Variants in PDCD6IP observed in about 807,000 individuals in gnomAD.
The protein encoded by PDCD6IP is programmed cell death 6 interacting protein.
A neutral mutation model predicts 103.7 loss-of-function variants in PDCD6IP; 43 were observed. The observed-to-expected ratio is 0.41, with a 90% CI of 0.32 to 0.53. The LOEUF (loss-of-function observed/expected upper bound fraction) is 0.53. PDCD6IP is among the 20% of genes least tolerant of loss of function. The pLI is 0.16. For missense variants in PDCD6IP, 871 were observed against 1,036.7 expected, an observed-to-expected ratio of 0.84 and a Z score of 2.20; for synonymous variants, 354 against 378.7, an observed-to-expected ratio of 0.93 and a Z score of 0.76.
intron 7 of PDCD6IP, among the ~76,000 whole-genome samples, chr3:33,834,470 C>T (rs1326429784): frequency 6.6e-6 from 1 of 152,120 alleles, no homozygotes; most frequent in Non-Finnish European, 1.5e-5. Context: ...TGTGCAATTT[C>T]CCGTTTCCTA....
Position 33,838,250 on chromosome 3 carries a change from T to A in PDCD6IP, c.1104T>A (p.Ala368=), listed in dbSNP as rs770971566. The change falls in exon 9 of 18, where the codon GCT becomes GCA. Residue 368 remains alanine, a synonymous_variant. Transcript: ENST00000307296. The part of the protein sequence containing the change: ...MVPVSVQQSL[A]AYNQRKADLV... ...CCGTGTCAGTACAGCAGTCTTTGGC[T>A]GCCTATAATCAGAGGAAAGCCGATT... 6.2e-7 allele frequency: 1 copy of A among 1,613,710 alleles called. No individual in the cohort carries two copies. Among genetic ancestry groups the A allele is most frequent in the Non-Finnish European group, 8.5e-7 (1 of 1,179,580 alleles).
chr3:33,830,088 A>G (rs1697214135), intron 7 of PDCD6IP, among the ~76,000 whole-genome samples: 1 of 152,194 alleles, frequency 6.6e-6, no homozygotes, highest in Non-Finnish European at 1.5e-5. Context: ...GGGATTGGGA[A>G]CACATGAACT....
At chr3:33,855,969 G>A (rs1697818930) in intron 15 of PDCD6IP, among the ~76,000 whole-genome samples, 1 of 152,210 alleles carries the variant, frequency 6.6e-6, no homozygotes, top group African/African-American at 2.4e-5. Context: ...GGGCTGCACA[G>A]TAGGAGGTGG....
chr3:33,851,129 G>A (rs1400183447), intron 12 of PDCD6IP, among the ~76,000 whole-genome samples: 9 of 152,088 alleles, frequency 5.9e-5, no homozygotes, highest in Non-Finnish European at 1.3e-4. Context: ...AGTAGAATAG[G>A]AATTTTTAGA....
intron 12 of PDCD6IP, among the ~76,000 whole-genome samples, chr3:33,847,656 G>A (rs1559792537): frequency 6.6e-6 from 1 of 152,176 alleles, no homozygotes; most frequent in East Asian, 1.9e-4. Flanking sequence ...TTATTGTGAA[G>A]AAGCCTACTG....
chr3:33,846,705 A>G (rs1170066241), intron 12 of PDCD6IP, among the ~76,000 whole-genome samples: 1 of 152,224 alleles, frequency 6.6e-6, no homozygotes, highest in Non-Finnish European at 1.5e-5. Context: ...TCCGAGGTAC[A>G]GAGGATCTGC....
At position 33,845,570 on chromosome 3, in the gene PDCD6IP, G is replaced by A; in HGVS notation, c.1623G>A (p.Lys541=). 1 of 1,610,652 alleles carries A rather than the reference G, an allele frequency of 6.2e-7. No homozygotes were observed. The highest frequency in any genetic ancestry group is 1.3e-5 in the African/African-American group (1 of 74,946). Residue 541 remains lysine (K), a synonymous_variant, in exon 12 of 18, where the codon AAG becomes AAA. Transcript: ENST00000307296. ...CCATCCCTTCTGCTAATCCAGCAAA[G>A]ACCATGCAGGGCAGTGAGGTAAGAA... ...NAAIPSANPA[K]TMQGSEVVNV...
intron 12 of PDCD6IP, among the ~76,000 whole-genome samples, chr3:33,849,763 C>G (rs955700838): frequency 6.6e-6 from 1 of 152,206 alleles, no homozygotes; most frequent in Non-Finnish European, 1.5e-5. Flanking sequence ...TCATTTTCTA[C>G]TTCATTTACT....
chr3:33,838,534 G>T (rs1697401769), intron 9 of PDCD6IP, among the ~76,000 whole-genome samples: 1 of 151,820 alleles, frequency 6.6e-6, no homozygotes, highest in Admixed American at 6.6e-5. Flanking sequence ...ACAAGGTGAG[G>T]ATATGAGGAC....
chr3:33,848,942 A>C (rs1697656721), intron 12 of PDCD6IP, among the ~76,000 whole-genome samples: 1 of 152,232 alleles, frequency 6.6e-6, no homozygotes. Flanking sequence ...ATATGTGGGC[A>C]TTATATAAAA....
intron 15 of PDCD6IP, among the ~76,000 whole-genome samples, chr3:33,856,309 G>A (rs1697827822): frequency 1.3e-5 from 2 of 152,202 alleles, no homozygotes; most frequent in South Asian, 4.1e-4. Flanking sequence ...AAGAAAACAG[G>A]AAGTGATAAG....
rs112754416 is a variant in PDCD6IP, at chr3:33,845,516, G to A, written c.1569G>A (p.Leu523=). ...YQSHRDTIVL[L]CKPEPELNAA... is the part of the protein sequence containing the mutation. ...CTCATCGTGACACCATCGTGCTTTT[G>A]TGTAAGCCAGAGCCTGAGCTGAATG... The change falls in exon 12 of 18, where the codon TTG becomes TTA. Residue 523 remains leucine (L), a synonymous_variant. Coordinates refer to ENST00000307296, the MANE Select transcript of PDCD6IP (RefSeq NM_013374.6). The A allele has an allele frequency of 0.051, 82,406 of 1,613,544 alleles. 2,466 individuals carry two copies. Among genetic ancestry groups the A allele is most frequent in the South Asian group, 0.072 (6,515 of 90,998 alleles).
At position 33,865,333 on chromosome 3, in the gene PDCD6IP, G is replaced by C; in HGVS notation, c.2335G>C (p.Ala779Pro). Residue 779 changes from alanine (A) to proline (P), a missense_variant, in exon 17 of 18, where the codon GCT becomes CCT. Physicochemically the swap from Ala to Pro is conservative, Grantham distance 27 (BLOSUM62 -1). Around this residue, in one of 5 missense-constraint regions of PDCD6IP, gnomAD observed 202 missense variants for 205.2 expected, o/e 0.98. Coordinates refer to ENST00000307296, the MANE Select transcript of PDCD6IP (RefSeq NM_013374.6). ...PSATAPSPVGAGTAAPAPSQT... is the reference protein window; with the variant it reads ...PSATAPSPVGPGTAAPAPSQT... ...TGCTACTGCTCCATCTCCAGTGGGG[G>C]CTGGGACTGCTGCGCCAGCTCCATC... The C allele has an allele frequency of 3.8e-6, 6 of 1,597,924 alleles. No homozygotes were observed. The highest frequency in any genetic ancestry group is 5.1e-6 in the Non-Finnish European group (6 of 1,172,922).
In PDCD6IP at chr3:33,847,023, G is replaced by A. The variant is rs539161808; in HGVS notation, c.1641+1435G>A. ...AACAAGGAATGTGAGTTATTGTTTTGAGGACATAGGGGAGAAAAGGAGGTG... is the reference window on the plus strand; with the variant it reads ...AACAAGGAATGTGAGTTATTGTTTTAAGGACATAGGGGAGAAAAGGAGGTG... On this transcript the variant is annotated intron_variant, in intron 12 of 17. Coordinates refer to ENST00000307296, the MANE Select transcript of PDCD6IP (RefSeq NM_013374.6). 5.1e-4 allele frequency among the ~76,000 whole-genome samples: 77 copies of A among 152,344 alleles called. No individual in the cohort carries two copies. In the Middle Eastern group the frequency reaches 0.02, roughly 40 times the overall value.
intron 12 of PDCD6IP, among the ~76,000 whole-genome samples, chr3:33,848,743 T>A (rs963615171): frequency 6.6e-6 from 1 of 152,208 alleles, no homozygotes; most frequent in Admixed American, 6.5e-5. Flanking sequence ...CTTGGTGCTG[T>A]TAAATGCCAC....
rs1698142624 is a variant in PDCD6IP at position 33,869,578 on chromosome 3, G to A, written c.*3053G>A. The A allele has an allele frequency of 1.3e-5, 2 of 152,044 alleles. No homozygotes were observed. The highest frequency in any genetic ancestry group is 4.1e-4 in the South Asian group (2 of 4,822). 9.4% of individuals were successfully genotyped at this position (152,044 alleles called of 1,614,324 possible). A position where few individuals can be genotyped will look rare whatever the true frequency, so the allele number is the denominator to read the frequency against. ...CACCAGAGATTTTAGATTCTTTTCTGGTTAGAAACATTGCTGGTAGTTGGA... is the reference window on the plus strand; with the variant it reads ...CACCAGAGATTTTAGATTCTTTTCTAGTTAGAAACATTGCTGGTAGTTGGA... On this transcript the variant is annotated 3_prime_UTR_variant, in exon 18 of 18. Transcript: ENST00000307296.
intron 1 of PDCD6IP, among the ~76,000 whole-genome samples, chr3:33,802,008 T>C (rs1696485832): frequency 6.6e-6 from 1 of 152,214 alleles, no homozygotes; most frequent in Non-Finnish European, 1.5e-5. Context: ...CATTTCTGTG[T>C]GGTAGATCCC....
At position 33,869,649 on chromosome 3, in the gene PDCD6IP, GAAAC is replaced by G. The variant is rs1281656127; in HGVS notation, c.*3128_*3131del. Reference sequence around the variant, plus strand: ...TTTATCTTAGGGGGAACATTGTAAAGAAACAAAAAGGTCCAGATGAATGTATGCT... The same window carrying G: ...TTTATCTTAGGGGGAACATTGTAAAGAAAAAGGTCCAGATGAATGTATGCT... On this transcript the variant is annotated 3_prime_UTR_variant, in exon 18 of 18. Coordinates refer to ENST00000307296, the MANE Select transcript of PDCD6IP (RefSeq NM_013374.6). The G allele has an allele frequency of 1.3e-5, 2 of 152,040 alleles. No individual in the cohort carries two copies. Among genetic ancestry groups the G allele is most frequent in the Admixed American group, 6.5e-5 (1 of 15,272 alleles). The allele number at this position is 152,040 out of a possible 1,614,324, so 9.4% of individuals were successfully genotyped here.
chr3:33,811,494 C>G (rs960651102), intron 1 of PDCD6IP, among the ~76,000 whole-genome samples: 2 of 152,238 alleles, frequency 1.3e-5, no homozygotes, highest in African/African-American at 2.4e-5. Flanking sequence ...TGACTGACAG[C>G]TCACCCTGAT....
Sources: allele counts gnomAD v4.1 joint callset (sites outside exome capture counted in the v4.1 genomes callset), GRCh38; gene constraint gnomAD v4.1.1; regional missense constraint gnomAD v4.1.1; transcripts MANE v1.5; gene names NCBI Gene and HGNC (gene_info 2026-07-23, HGNC 2026-07-21).